HELZ: variants seen among roughly 807,000 people sequenced by gnomAD.
The protein encoded by HELZ is ATP-dependent RNA helicase with zinc finger domain.
In HELZ, 23 loss-of-function variants were observed where a neutral mutation model predicts 218.2. The ratio of observed to expected loss-of-function variants is 0.11; its 90% CI spans 0.08 to 0.15. The LOEUF is 0.15. Among genes scored for constraint, HELZ ranks in the 10% least tolerant of loss-of-function variants. HELZ has a pLI of 1.00. For synonymous variants in HELZ, 814 were observed against 829.4 expected (o/e 0.98, Z 0.32); for missense variants, 1,813 against 2,353.7 (o/e 0.77, Z 4.75).
Position 67,211,894 on chromosome 17 carries a change from T to G in HELZ, c.247+4005A>C, listed in dbSNP as rs142686359. 5.7e-3 allele frequency among the ~76,000 whole-genome samples: 860 copies of G among 151,216 alleles called. 4 individuals are homozygous for G. Among genetic ancestry groups the G allele is most frequent in the Admixed American group, 8.6e-3 (131 of 15,154 alleles). On this transcript the variant is annotated intron_variant, in intron 5 of 32. Coordinates refer to ENST00000358691, the MANE Select transcript of HELZ (RefSeq NM_014877.4). ...GAAAAGGGGAAGGGAAGGGGGAAGG[T>G]AAGGGAAGGGAAAGAAAAGACTGTT... is the stretch of plus-strand genomic sequence containing the variant.
chr17:67,203,442 C>T lies in HELZ; in HGVS notation c.249G>A (p.Val83=). Residue 83 remains valine, a splice_region_variant and synonymous_variant, in exon 6 of 33, where the codon GTG becomes GTA. Coordinates refer to ENST00000358691, the MANE Select transcript of HELZ (RefSeq NM_014877.4). ...CTCCCTTGGCCAGTCCTTCTCCCAG[C>T]ACTGCCATGAAAGAACAGCCATCAT... The part of the protein sequence containing the change: ...YVQADEDCRH[V]LGEGLAKGED... 1 of 1,613,494 alleles carries T rather than the reference C, an allele frequency of 6.2e-7. No individual in the cohort carries two copies.
At chr17:67,220,938 G>T (rs1010499098) in intron 3 of HELZ, among the ~76,000 whole-genome samples, 2 of 148,972 alleles carry the variant, frequency 1.3e-5, no homozygotes, top group Non-Finnish European at 3.0e-5. Context: ...CAGGGAGGCT[G>T]TAATTCCCAG....
At position 67,149,955 on chromosome 17, in the gene HELZ, G is replaced by A. The variant is rs765200557; in HGVS notation, c.2387C>T (p.Ala796Val). The part of the protein sequence containing the change: ...GFFTHILLDE[A>V]AQAMECETIM... ...GGTTTCACACTCCATGGCCTGGGCA[G>A]CTTCATCTAATAGAATGTGTGTAAA... The change falls in exon 19 of 33, where the codon GCT (alanine) becomes GTT (valine). Residue 796 changes from alanine to valine, a missense_variant. Physicochemically the swap from Ala to Val is moderately conservative, Grantham distance 64 (BLOSUM62 0). This residue lies in a region of HELZ where 714 missense variants were observed against 1,029.2 expected (regional missense o/e 0.69). Transcript: ENST00000358691. 1.2e-6 allele frequency: 2 copies of A among 1,610,178 alleles called. No individual in the cohort carries two copies. The highest frequency in any genetic ancestry group is 1.7e-6 in the Non-Finnish European group (2 of 1,177,878).
rs141181478 is a variant in HELZ at position 67,122,902 on chromosome 17, G to T, written c.3630+68C>A. 402 of 1,192,804 alleles carry T rather than the reference G, an allele frequency of 3.4e-4. 1 individual carries two copies. In the East Asian group the frequency reaches 4.8e-3, roughly 14 times the overall value. The allele number at this position is 1,192,804 out of a possible 1,614,324, so 73.9% of individuals were successfully genotyped here. A position where few individuals can be genotyped will look rare whatever the true frequency, so the allele number is the denominator to read the frequency against. On this transcript the variant is annotated intron_variant, in intron 26 of 32. Transcript: ENST00000358691. ...AAGAAGTTGGTAGAATGCTATTTGG[G>T]ATTAGAACCATTTTAGTGAAACCTA...
intron 12 of HELZ, chr17:67,179,643 T>C (rs999491829): frequency 6.6e-6 from 1 of 152,154 alleles, no homozygotes; most frequent in Non-Finnish European, 1.5e-5. Context: ...AAATCCATAG[T>C]AACATAAACT....
At chr17:67,167,101 G>A (rs2039167939) in intron 14 of HELZ, among the ~76,000 whole-genome samples, 1 of 152,274 alleles carries the variant, frequency 6.6e-6, no homozygotes, top group South Asian at 2.1e-4. Flanking sequence ...ATGGCAGACT[G>A]AAGACATAAT....
intron 5 of HELZ, among the ~76,000 whole-genome samples, chr17:67,208,877 G>A (rs554122708): frequency 1.6e-4 from 24 of 151,790 alleles, no homozygotes; most frequent in Admixed American, 1.2e-3. Flanking sequence ...GGTCATCAAA[G>A]CTGAGGTGAG....
chr17:67,080,838 G>C (rs962217133), intron 32 of HELZ, among the ~76,000 whole-genome samples: 1 of 152,110 alleles, frequency 6.6e-6, no homozygotes, highest in Admixed American at 6.5e-5. Flanking sequence ...GATTTAAACA[G>C]GTGGGGAAAG....
chr17:67,177,753 T>C (rs963861344), intron 13 of HELZ, among the ~76,000 whole-genome samples: 1 of 152,084 alleles, frequency 6.6e-6, no homozygotes, highest in African/African-American at 2.4e-5. Context: ...TGTATTTAAT[T>C]TGAAATTAGG....
intron 31 of HELZ, 76 bp from the exon 32 acceptor site, chr17:67,087,157 AT>A: frequency 1.5e-6 from 2 of 1,304,786 alleles, no homozygotes; most frequent in Non-Finnish European, 2.2e-6. Context: ...CTCCATAGCA[AT>A]ATCTCACTAT....
chr17:67,144,974 CCATGAGCA>C (rs1406123369), intron 21 of HELZ, among the ~76,000 whole-genome samples: 10 of 151,916 alleles, frequency 6.6e-5, no homozygotes, highest in African/African-American at 1.9e-4. Context: ...AACTACAGGC[CCATGAGCA>C]ATGTCTTAAC....
At chr17:67,244,773 C>T (rs1031844564) in intron 1 of HELZ, 1 of 985,034 alleles carries the variant, frequency 1.0e-6, no homozygotes, top group Non-Finnish European at 1.2e-6. Context: ...CCAGCCGCGA[C>T]CCGGAGGAGG....
At chr17:67,244,425 T>G in intron 1 of HELZ, 1 of 187,780 alleles carries the variant, frequency 5.3e-6, no homozygotes, top group Non-Finnish European at 1.0e-5. Context: ...GCTCCAATAA[T>G]TTAGGGGAGA....
At chr17:67,169,884 A>AT (rs1214535563) in intron 13 of HELZ, among the ~76,000 whole-genome samples, 2 of 152,228 alleles carry the variant, frequency 1.3e-5, no homozygotes, top group East Asian at 3.9e-4. Context: ...CAGGATAAAC[A>AT]TTCCCATTCC....
intron 31 of HELZ, among the ~76,000 whole-genome samples, chr17:67,089,668 T>TAAAGAGAGAGAGAGAGAG (rs71293575): frequency 1.4e-5 from 1 of 70,640 alleles, no homozygotes; most frequent in Non-Finnish European, 2.6e-5. Flanking sequence ...TATATATATA[T>TAAAGAGAGAGAGAGAGAG]AGAGAGAGAG....
intron 2 of HELZ, among the ~76,000 whole-genome samples, chr17:67,241,984 A>G (rs1358835989): frequency 2.0e-5 from 3 of 152,240 alleles, no homozygotes; most frequent in Non-Finnish European, 4.4e-5. Context: ...AAATGTCTTG[A>G]CACAATTCAG....
At chr17:67,221,109 C>G (rs952635966) in intron 3 of HELZ, among the ~76,000 whole-genome samples, 1 of 152,166 alleles carries the variant, frequency 6.6e-6, no homozygotes, top group African/African-American at 2.4e-5. Context: ...AGTGGCATTA[C>G]AAAATTACTA....
Position 67,114,330 on chromosome 17 carries a change from T to C in HELZ, c.3912A>G (p.Pro1304=), listed in dbSNP as rs1424837305. 7 of 1,604,084 alleles carry C rather than the reference T, an allele frequency of 4.4e-6. No individual in the cohort carries two copies. The South Asian group carries it at 6.6e-5, about 15-fold the overall frequency. The change falls in exon 28 of 33, where the codon CCA becomes CCG. Residue 1304 remains proline, a synonymous_variant. Transcript: ENST00000358691. ...CAGTAACTAAGCAGCATACCTGTTT[T>C]GGTTCTGTTGGCTTTTTCTCTGGTG... The part of the protein sequence containing the change: ...IRTPEKKPTE[P]KQVDLESNPQ...
intron 5 of HELZ, among the ~76,000 whole-genome samples, chr17:67,204,188 T>C (rs1027074932): frequency 1.3e-5 from 2 of 152,250 alleles, no homozygotes; most frequent in African/African-American, 4.8e-5. Flanking sequence ...TAGAAATTAT[T>C]TTTAAAATTA....
Sources: allele counts gnomAD v4.1 joint callset (sites outside exome capture counted in the v4.1 genomes callset), GRCh38; gene constraint gnomAD v4.1.1; regional missense constraint gnomAD v4.1.1; transcripts MANE v1.5; gene names NCBI Gene and HGNC (gene_info 2026-07-23, HGNC 2026-07-21).